SRRM3: variants seen among roughly 807,000 people sequenced by gnomAD.
SRRM3 encodes the protein serine/arginine repetitive matrix 3.
Under a neutral mutation model 66.2 loss-of-function variants are expected in SRRM3, and 27 were observed. The observed-to-expected ratio is 0.41, with a 90% CI of 0.30 to 0.56. The LOEUF (loss-of-function observed/expected upper bound fraction) is 0.56. Among genes scored for constraint, SRRM3 ranks in the 20% least tolerant of loss-of-function variants. The pLI is 0.32. For synonymous variants in SRRM3, 391 were observed against 414.9 expected (o/e 0.94, Z 0.70); for missense variants, 918 against 991.9 (o/e 0.93, Z 1.00).
At chr7:76,204,424 G>A (rs1039400619) in intron 1 of SRRM3, among the ~76,000 whole-genome samples, 20 of 152,170 alleles carry the variant, frequency 1.3e-4, no homozygotes, top group Admixed American at 1.2e-3. Context: ...CAAAGGTGCT[G>A]CTGTCTCCCT....
chr7:76,217,859 T>C (rs766590759), intron 1 of SRRM3, among the ~76,000 whole-genome samples: 25 of 152,304 alleles, frequency 1.6e-4, no homozygotes, highest in Non-Finnish European at 3.4e-4. Context: ...TTGTCCACCT[T>C]GTGGTCAGGT....
intron 3 of SRRM3, among the ~76,000 whole-genome samples, chr7:76,248,967 G>A (rs147907781): frequency 1.3e-5 from 2 of 152,030 alleles, no homozygotes; most frequent in Non-Finnish European, 2.9e-5. Context: ...TCAACAGAGC[G>A]AGATTCCATC....
At chr7:76,215,394 G>GTTTTTT (rs1170079332) in intron 1 of SRRM3, among the ~76,000 whole-genome samples, 2 of 95,112 alleles carry the variant, frequency 2.1e-5, no homozygotes, top group Admixed American at 1.2e-4. Flanking sequence ...GGAGCCCGCA[G>GTTTTTT]TTTTTTTTTT....
Position 76,282,950 on chromosome 7 carries a change from C to A in SRRM3, c.1596-14C>A. The A allele has an allele frequency of 7.5e-7, 1 of 1,334,184 alleles. No individual in the cohort carries two copies. Among genetic ancestry groups the A allele is most frequent in the South Asian group, 1.9e-5 (1 of 51,508 alleles). 82.6% of individuals were successfully genotyped at this position (1,334,184 alleles called of 1,614,324 possible). A position where few individuals can be genotyped will look rare whatever the true frequency, so the allele number is the denominator to read the frequency against. On this transcript the variant is annotated splice_polypyrimidine_tract_variant and intron_variant, in intron 13 of 14. Transcript: ENST00000611745. Reference sequence around the variant, plus strand: ...CGGGCCGCGTCGCTCACTTACCTCGCGCCGGCCCCGCAGGGACAAGGACGG... The same window carrying A: ...CGGGCCGCGTCGCTCACTTACCTCGAGCCGGCCCCGCAGGGACAAGGACGG...
intron 1 of SRRM3, among the ~76,000 whole-genome samples, chr7:76,212,748 C>A (rs782006160): frequency 2.0e-5 from 3 of 152,118 alleles, no homozygotes; most frequent in African/African-American, 4.8e-5. Flanking sequence ...GGATTACAGG[C>A]GTGAGCCACT....
Position 76,221,359 on chromosome 7 carries a change from C to CTTTTTTTTTTTTTTTT in SRRM3, c.-39-13663_-39-13648dup, listed in dbSNP as rs781915041. Among the ~76,000 whole-genome samples, 93 of 95,354 alleles carry CTTTTTTTTTTTTTTTT rather than the reference C, an allele frequency of 9.8e-4. 18 individuals carry two copies. The highest frequency in any genetic ancestry group is 4.3e-3 in the African/African-American group (79 of 18,252). 62.6% of individuals were successfully genotyped at this position (95,354 alleles called of 152,430 possible). A position where few individuals can be genotyped will look rare whatever the true frequency, so the allele number is the denominator to read the frequency against. On this transcript the variant is annotated intron_variant, in intron 1 of 14. Transcript: ENST00000611745. ...TTTGAGCCACTGGGCCTGCCCTCCTCTTTTTTTTTTTTTTTTTTTTTGAGA... is the reference window on the plus strand; with the variant it reads ...TTTGAGCCACTGGGCCTGCCCTCCTCTTTTTTTTTTTTTTTTTTTTTTTTTTTTTTTTTTTTTGAGA...
chr7:76,233,349 C>A (rs1262484435), intron 1 of SRRM3, among the ~76,000 whole-genome samples: 2 of 152,164 alleles, frequency 1.3e-5, no homozygotes, highest in Non-Finnish European at 2.9e-5. Flanking sequence ...AGGGACCCAA[C>A]TTGATGACAG....
At chr7:76,259,793 C>G (rs1274248221) in intron 3 of SRRM3, 113 bp from the exon 4 acceptor site, 3 of 1,536,950 alleles carry the variant, frequency 2.0e-6, no homozygotes, top group Non-Finnish European at 2.6e-6. Flanking sequence ...GCCCCTCCCC[C>G]AGCCGGGTAG....
intron 10 of SRRM3, 109 bp downstream of exon 10, chr7:76,265,577 G>C (rs991604900): frequency 4.6e-6 from 4 of 863,856 alleles, no homozygotes; most frequent in African/African-American, 3.5e-5. Context: ...TCAATTCATC[G>C]GTGGGTAGAA....
intron 12 of SRRM3, 68 bp from the exon 13 acceptor site, chr7:76,282,580 A>ACCCCC: frequency 1.2e-5 from 2 of 172,300 alleles, no homozygotes; most frequent in East Asian, 1.0e-4. Context: ...CGCCCCAGGG[A>ACCCCC]ACCCTCCCCG....
At chr7:76,230,634 T>C (rs1164681336) in intron 1 of SRRM3, among the ~76,000 whole-genome samples, 6 of 147,154 alleles carry the variant, frequency 4.1e-5, no homozygotes, top group Non-Finnish European at 6.0e-5. Context: ...GGGCAACAGA[T>C]TGAGAGTCAG....
At chr7:76,258,713 C>CA (rs201265747) in intron 3 of SRRM3, among the ~76,000 whole-genome samples, 1,800 of 67,646 alleles carry the variant, frequency 0.027, 21 homozygotes, top group Middle Eastern at 0.05. Flanking sequence ...GACTCCATCT[C>CA]AAAAAAAAAA....
intron 3 of SRRM3, among the ~76,000 whole-genome samples, chr7:76,258,729 A>AAG (rs1801780021): frequency 1.4e-5 from 2 of 142,480 alleles, no homozygotes; most frequent in African/African-American, 5.5e-5. Context: ...AAAAAAAAAA[A>AAG]AAAAGAAAAA....
intron 12 of SRRM3, 77 bp from the exon 13 acceptor site, chr7:76,282,571 G>GC: frequency 8.7e-5 from 8 of 92,244 alleles, no homozygotes; most frequent in South Asian, 4.2e-4. Flanking sequence ...CCTAAGCCCC[G>GC]CCCCAGGGAA....
chr7:76,246,620 T>C (rs1554606196), intron 2 of SRRM3, among the ~76,000 whole-genome samples: 2 of 151,342 alleles, frequency 1.3e-5, no homozygotes, highest in Non-Finnish European at 1.5e-5. Flanking sequence ...TGTACACAAG[T>C]GTATAGAAAT....
chr7:76,248,985 A>G (rs1801508342), intron 3 of SRRM3, among the ~76,000 whole-genome samples: 1 of 152,118 alleles, frequency 6.6e-6, no homozygotes, highest in Admixed American at 6.5e-5. Flanking sequence ...ATCTCAAAAA[A>G]TAAAATAGAA....
chr7:76,227,881 G>GT (rs368294866), intron 1 of SRRM3, among the ~76,000 whole-genome samples: 1 of 152,018 alleles, frequency 6.6e-6, no homozygotes, highest in Non-Finnish European at 1.5e-5. Flanking sequence ...TTTTCTGTTT[G>GT]TTTTTTGAGA....
chr7:76,206,242 G>T (rs1035504032), intron 1 of SRRM3, among the ~76,000 whole-genome samples: 10 of 152,322 alleles, frequency 6.6e-5, no homozygotes, highest in Admixed American at 5.2e-4. Context: ...CTAGAATGTG[G>T]CGTGAGCCAC....
intron 11 of SRRM3, among the ~76,000 whole-genome samples, chr7:76,273,879 C>G (rs1802271607): frequency 6.6e-6 from 1 of 152,180 alleles, no homozygotes; most frequent in African/African-American, 2.4e-5. Flanking sequence ...TCCTTGTTCC[C>G]TCCTTCTTCC....
Sources: allele counts gnomAD v4.1 joint callset (sites outside exome capture counted in the v4.1 genomes callset), GRCh38; gene constraint gnomAD v4.1.1; transcripts MANE v1.5; gene names NCBI Gene and HGNC (gene_info 2026-07-23, HGNC 2026-07-21).